The following RBFOX3 variants were observed in gnomAD, a reference collection of about 807,000 sequenced individuals.
The protein encoded by RBFOX3 is RNA binding fox-1 homolog 3.
A neutral mutation model predicts 48.7 loss-of-function variants in RBFOX3; 17 were observed. The ratio of observed to expected loss-of-function variants is 0.35; its 90% confidence interval spans 0.24 to 0.52. The LOEUF (loss-of-function observed/expected upper bound fraction) is 0.52, where lower values mean the gene tolerates loss of function less well. Ranked by LOEUF, RBFOX3 falls within the 20% of genes least tolerant of loss-of-function variation. The pLI is 0.94. For synonymous variants in RBFOX3, 212 were observed against 209.5 expected, an observed-to-expected ratio of 1.01 and a Z score of -0.10; for missense variants, 382 against 497.5, an observed-to-expected ratio of 0.77 and a Z score of 2.21.
rs776847756 is a variant in RBFOX3, at chr17:79,095,466, A to G, written c.998+47T>C. ...CCCAGCTCCCCAGGGATCCTTGTCCATCTTCTCCCCACCCTGCTCCAGAAC... is the reference window on the plus strand; with the variant it reads ...CCCAGCTCCCCAGGGATCCTTGTCCGTCTTCTCCCCACCCTGCTCCAGAAC... On this transcript the variant is annotated intron_variant, in intron 13 of 14. Transcript: ENST00000693108. The G allele has an allele frequency of 8.7e-5, 131 of 1,513,202 alleles. 1 individual carries two copies. Among genetic ancestry groups the G allele is most frequent in the Non-Finnish European group, 9.9e-5 (111 of 1,116,692 alleles). The allele number at this position is 1,513,202 out of a possible 1,614,324, so 93.7% of individuals were successfully genotyped here. A position where few individuals can be genotyped will look rare whatever the true frequency, so the allele number is the denominator to read the frequency against.
At chr17:79,161,543 G>C (rs935895666) in intron 4 of RBFOX3, among the ~76,000 whole-genome samples, 3 of 152,210 alleles carry the variant, frequency 2.0e-5, no homozygotes, top group African/African-American at 7.2e-5. Context: ...TGCTCTTGCA[G>C]CTGGTGGTTG....
In RBFOX3 at chr17:79,254,409, C is replaced by T. The variant is rs1011851696; in HGVS notation, c.-73-18604G>A. Reference sequence around the variant, plus strand: ...CATACCCCCAAACCTGCCCCCCAATCCAGGACACATGGCACCAGGGCCCAG... The same window carrying T: ...CATACCCCCAAACCTGCCCCCCAATTCAGGACACATGGCACCAGGGCCCAG... On this transcript the variant is annotated intron_variant, in intron 3 of 14. Transcript: ENST00000693108. The surrounding 1 kb of genome is among the most constrained non-coding windows in gnomAD (Gnocchi z 4.8). Among the ~76,000 whole-genome samples, 3 of 151,940 alleles carry T rather than the reference C, an allele frequency of 2.0e-5. No individual in the cohort carries two copies. The highest frequency in any genetic ancestry group is 4.4e-5 in the Non-Finnish European group (3 of 67,968).
At chr17:79,100,726 A>G (rs1301746230) in intron 9 of RBFOX3, among the ~76,000 whole-genome samples, 1 of 152,236 alleles carries the variant, frequency 6.6e-6, no homozygotes, top group African/African-American at 2.4e-5. Context: ...GAATGAGCGG[A>G]GGCCCCCAAC....
At chr17:79,427,722 G>A (rs929230788) in intron 2 of RBFOX3, among the ~76,000 whole-genome samples, 2 of 152,228 alleles carry the variant, frequency 1.3e-5, no homozygotes, top group African/African-American at 2.4e-5. Flanking sequence ...GAAGGCAGAG[G>A]CTCCTCATAG....
chr17:79,600,104 G>A (rs1339410551), intron 1 of RBFOX3: 1 of 152,252 alleles, frequency 6.6e-6, no homozygotes, highest in Non-Finnish European at 1.5e-5. Flanking sequence ...GCTCCCGGCA[G>A]CCTTGCAGAG....
At chr17:79,442,234 A>G (rs1385016627) in intron 2 of RBFOX3, among the ~76,000 whole-genome samples, 4,827 of 12,114 alleles carry the variant, frequency 0.4, 1,251 homozygotes, top group Middle Eastern at 0.5. Flanking sequence ...AGAGAGAGAG[A>G]GAGAGAGAGA....
At chr17:79,525,455 G>T (rs1392626592) in intron 1 of RBFOX3, among the ~76,000 whole-genome samples, 1 of 152,176 alleles carries the variant, frequency 6.6e-6, no homozygotes, top group Non-Finnish European at 1.5e-5. Flanking sequence ...CAAAAAGTGA[G>T]AAAGACTGGT....
At chr17:79,638,034 T>G in the RBFOX3 span, among the ~76,000 whole-genome samples, 1 of 90,978 alleles carries the variant, frequency 1.1e-5, no homozygotes, top group Admixed American at 1.1e-4. Context: ...TTTAAAAATA[T>G]CTCAAGACAA....
At position 79,362,810 on chromosome 17, in the gene RBFOX3, G is replaced by C. The variant is rs2147326466; in HGVS notation, c.-174-54986C>G. 6.6e-6 allele frequency among the ~76,000 whole-genome samples: 1 copy of C among 152,328 alleles called. No homozygotes were observed. The highest frequency in any genetic ancestry group is 2.1e-4 in the South Asian group (1 of 4,832). On this transcript the variant is annotated intron_variant, in intron 2 of 14. Coordinates refer to ENST00000693108, the MANE Select transcript of RBFOX3 (RefSeq NM_001350451.2). This position sits in a 1 kb window ranked among gnomAD's most constrained non-coding sequence, Gnocchi z 4.2. ...GGAATTTGTTGCCACAGCTATGAGA[G>C]AGGGGTAAAGCGGGAACATCAGACA...
At chr17:79,609,508 G>A (rs2093920515) in intron 1 of RBFOX3, among the ~76,000 whole-genome samples, 1 of 152,200 alleles carries the variant, frequency 6.6e-6, no homozygotes, top group African/African-American at 2.4e-5. Context: ...CGGCTCCGCG[G>A]GACTCCTTTT....
intron 2 of RBFOX3, among the ~76,000 whole-genome samples, chr17:79,329,075 A>C (rs1287790104): frequency 2.0e-5 from 3 of 152,184 alleles, no homozygotes; most frequent in African/African-American, 7.2e-5. Context: ...GGCTGGATAC[A>C]GAAAGATAGT....
At chr17:79,447,293 G>C (rs2072531532) in intron 2 of RBFOX3, among the ~76,000 whole-genome samples, 1 of 152,148 alleles carries the variant, frequency 6.6e-6, no homozygotes, top group Non-Finnish European at 1.5e-5. Flanking sequence ...AAATCTCAGG[G>C]CTGGAGCTCT....
intron 3 of RBFOX3, among the ~76,000 whole-genome samples, chr17:79,260,868 G>C (rs577830689): frequency 1.3e-5 from 2 of 152,106 alleles, no homozygotes; most frequent in Non-Finnish European, 2.9e-5. Flanking sequence ...CCGACTGCCA[G>C]ACTCTATCAC....
At chr17:79,465,010 T>C (rs1036362533) in intron 2 of RBFOX3, among the ~76,000 whole-genome samples, 101 of 152,352 alleles carry the variant, frequency 6.6e-4, no homozygotes, top group African/African-American at 2.3e-3. Flanking sequence ...CACACTGCCA[T>C]GGGGACCCAA....
At chr17:79,491,545 G>A (rs1199542259) in intron 1 of RBFOX3, among the ~76,000 whole-genome samples, 6 of 151,944 alleles carry the variant, frequency 3.9e-5, no homozygotes, top group African/African-American at 1.2e-4. Context: ...ACCAGGACTC[G>A]GTGACCAGTC....
At position 79,329,874 on chromosome 17, in the gene RBFOX3, G is replaced by C. The variant is rs114596976; in HGVS notation, c.-174-22050C>G. 9.6e-3 allele frequency among the ~76,000 whole-genome samples: 1,455 copies of C among 152,288 alleles called. 23 individuals are homozygous for C. Among genetic ancestry groups the C allele is most frequent in the African/African-American group, 0.034 (1,401 of 41,546 alleles). On this transcript the variant is annotated intron_variant, in intron 2 of 14. Coordinates refer to ENST00000693108, the MANE Select transcript of RBFOX3 (RefSeq NM_001350451.2). The stretch of plus-strand genomic sequence containing the variant: ...CTGGTGTCACCAAGGGTCCCACGCA[G>C]AGTCCGGCTCCTTCTCAGACCCTTC...
At chr17:79,118,019 G>A (rs1472106622) in intron 4 of RBFOX3, among the ~76,000 whole-genome samples, 1 of 152,156 alleles carries the variant, frequency 6.6e-6, no homozygotes, top group East Asian at 1.9e-4. Flanking sequence ...CTGCCTGGGG[G>A]CCCAGCAACC....
intron 3 of RBFOX3, among the ~76,000 whole-genome samples, chr17:79,244,051 C>A (rs753668252): frequency 7.9e-5 from 12 of 152,284 alleles, no homozygotes; most frequent in Middle Eastern, 3.4e-3. Flanking sequence ...GAAGGAGATA[C>A]CACCGCACAG....
At chr17:79,316,104 G>T (rs1350622684) in intron 2 of RBFOX3, among the ~76,000 whole-genome samples, 3 of 151,590 alleles carry the variant, frequency 2.0e-5, no homozygotes, top group Non-Finnish European at 2.9e-5. Flanking sequence ...GAGCACCAGG[G>T]TATAATTTGC....
Sources: gnomAD v4.1 joint callset for allele counts (sites outside exome capture counted in the v4.1 genomes callset) on GRCh38, gnomAD v4.1.1 for gene constraint, Gnocchi (gnomAD v3.1) non-coding constraint, MANE v1.5 for transcripts, NCBI Gene and HGNC (gene_info 2026-07-23, HGNC 2026-07-21) for gene names.